SIDT1: variants seen among roughly 807,000 people sequenced by gnomAD.
SIDT1 encodes SID1 transmembrane family, member 1.
In SIDT1, 101 loss-of-function variants were observed where a neutral mutation model predicts 107.5. The observed-to-expected ratio is 0.94, with a 90% CI of 0.80 to 1.11. The LOEUF is 1.11. Ranked by LOEUF, SIDT1 falls within the 50% of genes least tolerant of loss-of-function variation. SIDT1 has a pLI of 0.00. For missense variants in SIDT1, 1,076 were observed against 1,058.2 expected (o/e 1.02, Z -0.23); for synonymous variants, 395 against 398.2 (o/e 0.99, Z 0.10).
chr3:113,576,912 C>G lies in SIDT1; in HGVS notation c.516-10C>G, dbSNP rs762555839. On this transcript the variant is annotated splice_polypyrimidine_tract_variant and intron_variant, in intron 3 of 24. Coordinates refer to ENST00000264852, the MANE Select transcript of SIDT1 (RefSeq NM_017699.3). ...TTTCCCCTTTCCCTTCTGCCACTTA[C>G]GTTTCTCAGGACAAATGTTGCCTTT... 1.2e-6 allele frequency: 2 copies of G among 1,613,884 alleles called. No homozygotes were observed. The highest frequency in any genetic ancestry group is 2.7e-5 in the African/African-American group (2 of 75,030).
chr3:113,546,537 T>G (rs1034233973), intron 1 of SIDT1, among the ~76,000 whole-genome samples: 1 of 152,192 alleles, frequency 6.6e-6, no homozygotes, highest in African/African-American at 2.4e-5. Context: ...AAGATTGCTA[T>G]CATGTTGAGT....
chr3:113,533,137 C>T lies in SIDT1; in HGVS notation c.116C>T (p.Pro39Leu). The T allele has an allele frequency of 6.4e-7, 1 of 1,573,398 alleles. No individual in the cohort carries two copies. Among genetic ancestry groups the T allele is most frequent in the South Asian group, 1.2e-5 (1 of 84,902 alleles). The change falls in exon 1 of 25, where the codon CCC becomes CTC. Residue 39 changes from proline to leucine, a missense_variant. Pro to Leu is a moderately conservative substitution (Grantham distance 98). Coordinates refer to ENST00000264852, the MANE Select transcript of SIDT1 (RefSeq NM_017699.3). ...CAGCCCCCGGCACCGCGCCGCGACC[C>T]CTTCGACGCTGCCAGGGGCGCCGAT... ...PRQPPAPRRD[P>L]FDAARGADFD...
chr3:113,564,326 T>C (rs1941712223), intron 1 of SIDT1, among the ~76,000 whole-genome samples: 1 of 152,238 alleles, frequency 6.6e-6, no homozygotes, highest in African/African-American at 2.4e-5. Flanking sequence ...TTAACAATTA[T>C]TAAAACTGGA....
intron 14 of SIDT1, 153 bp from the exon 15 acceptor site, chr3:113,606,888 G>A (rs1346388645): frequency 1.8e-6 from 1 of 559,080 alleles, no homozygotes; most frequent in Non-Finnish European, 3.3e-6. Context: ...GTGTAAGGTG[G>A]CAGATAATGG....
intron 14 of SIDT1, 97 bp downstream of exon 14, chr3:113,605,073 C>CT (rs1434952946): frequency 7.7e-7 from 1 of 1,290,328 alleles, no homozygotes; most frequent in Non-Finnish European, 1.1e-6. Context: ...ACTTAGGATC[C>CT]ATTCAGGAAT....
At chr3:113,584,026 C>A (rs1213222946) in intron 7 of SIDT1, among the ~76,000 whole-genome samples, 2 of 152,254 alleles carry the variant, frequency 1.3e-5, no homozygotes, top group East Asian at 3.9e-4. Flanking sequence ...GGCTCTTAGG[C>A]ATAGCACAAA....
At chr3:113,611,271 A>G (rs1442763088) in intron 18 of SIDT1, 127 bp downstream of exon 18, 4 of 1,096,144 alleles carry the variant, frequency 3.6e-6, no homozygotes, top group Non-Finnish European at 5.2e-6. Context: ...ATTTCATCTC[A>G]TGACACAATT....
chr3:113,555,021 T>C (rs908773448), intron 1 of SIDT1, among the ~76,000 whole-genome samples: 1 of 152,208 alleles, frequency 6.6e-6, no homozygotes, highest in Non-Finnish European at 1.5e-5. Flanking sequence ...GTCCTGAGAA[T>C]AAAGTCCCAA....
rs537278661 is a variant in SIDT1, at chr3:113,572,290, C to T, written c.515+4580C>T. ...AAGTGATGGATGTATACTAACATGA[C>T]ACTTAGGGGAGAGCTCTGAGTTACA... On this transcript the variant is annotated intron_variant, in intron 3 of 24. Transcript: ENST00000264852. Among the ~76,000 whole-genome samples, 7 of 152,276 alleles carry T rather than the reference C, an allele frequency of 4.6e-5. No individual in the cohort carries two copies. In the South Asian group the frequency reaches 1.5e-3, roughly 32 times the overall value.
At chr3:113,621,650 A>T (rs1946471956) in intron 21 of SIDT1, among the ~76,000 whole-genome samples, 1 of 152,248 alleles carries the variant, frequency 6.6e-6, no homozygotes, top group African/African-American at 2.4e-5. Context: ...GGAAAGATTA[A>T]CTACTGCAAA....
At position 113,619,682 on chromosome 3, in the gene SIDT1, T is replaced by C; in HGVS notation, c.2046T>C (p.Asp682=). 6.2e-7 allele frequency: 1 copy of C among 1,614,034 alleles called. No homozygotes were observed. Among genetic ancestry groups the C allele is most frequent in the Non-Finnish European group, 8.5e-7 (1 of 1,179,892 alleles). The change falls in exon 21 of 25, where the codon GAT becomes GAC. Residue 682 remains aspartate, a splice_region_variant and synonymous_variant. Transcript: ENST00000264852. The part of the protein sequence containing the change: ...IQQCSRPLYM[D]RMVLLVVGNL... ...ATGTTTTCTTTCCTCTTTTCCAGGATAGAATGGTGTTGCTGGTTGTGGGGA... is the reference window on the plus strand; with the variant it reads ...ATGTTTTCTTTCCTCTTTTCCAGGACAGAATGGTGTTGCTGGTTGTGGGGA...
chr3:113,589,422 C>T (rs969260649), intron 9 of SIDT1, among the ~76,000 whole-genome samples: 4 of 151,786 alleles, frequency 2.6e-5, no homozygotes, highest in African/African-American at 9.7e-5. Context: ...TCTATGAGTA[C>T]ATACAATTGC....
chr3:113,617,115 A>G (rs905158316), intron 20 of SIDT1, among the ~76,000 whole-genome samples: 1 of 152,232 alleles, frequency 6.6e-6, no homozygotes, highest in Non-Finnish European at 1.5e-5. Flanking sequence ...GTGAAAGGGC[A>G]CACTGCTAAT....
downstream of SIDT1, among the ~76,000 whole-genome samples, chr3:113,631,880 A>G (rs1028109339): frequency 2.6e-5 from 4 of 152,176 alleles, no homozygotes; most frequent in Non-Finnish European, 5.9e-5. Context: ...TTGCTCCCCC[A>G]ATTTTAGAGA....
Position 113,623,300 on chromosome 3 carries a change from C to T in SIDT1, c.2091-127C>T, listed in dbSNP as rs12492783. The T allele has an allele frequency of 6.6e-3, 2,683 of 405,446 alleles. 50 individuals are homozygous for T. Among genetic ancestry groups the T allele is most frequent in the East Asian group, 0.046 (1,076 of 23,226 alleles). The allele number at this position is 405,446 out of a possible 1,614,324, so 25.1% of individuals were successfully genotyped here. On this transcript the variant is annotated intron_variant, in intron 21 of 24. Coordinates refer to ENST00000264852, the MANE Select transcript of SIDT1 (RefSeq NM_017699.3). ...AGAGTTTAAAAAAAAATAAAATGAA[C>T]TAAAAATAAAAGTTAAAAAAAAAAA... is the stretch of plus-strand genomic sequence containing the variant.
At chr3:113,621,599 G>A (rs1376306963) in intron 21 of SIDT1, among the ~76,000 whole-genome samples, 1 of 152,140 alleles carries the variant, frequency 6.6e-6, no homozygotes, top group Non-Finnish European at 1.5e-5. Context: ...GAAGCCATAA[G>A]GAAAATTTAG....
At chr3:113,565,251 G>C (rs1003934487) in intron 1 of SIDT1, among the ~76,000 whole-genome samples, 2 of 152,086 alleles carry the variant, frequency 1.3e-5, no homozygotes, top group Non-Finnish European at 2.9e-5. Context: ...TTGAAAGAAG[G>C]CCAGGCGCAG....
At position 113,533,119 on chromosome 3, in the gene SIDT1, CG is replaced by C. The variant is rs776821470; in HGVS notation, c.100del (p.Ala34HisfsTer23). On this transcript the variant is annotated frameshift_variant, in exon 1 of 25. Coordinates refer to ENST00000264852, the MANE Select transcript of SIDT1 (RefSeq NM_017699.3). LOFTEE classifies it high-confidence loss of function. ...CCGGCGAAATCCCCCAGGCAGCCCC[CG>C]GCACCGCGCCGCGACCCCTTCGACG... ...GHPAKSPRQP[P>X]APRRDPFDAA... 9.0e-6 allele frequency: 14 copies of C among 1,554,546 alleles called. No homozygotes were observed. Among genetic ancestry groups the C allele is most frequent in the Non-Finnish European group, 1.0e-5 (12 of 1,152,574 alleles).
chr3:113,569,144 A>G (rs1181362815), intron 3 of SIDT1, among the ~76,000 whole-genome samples: 1 of 150,638 alleles, frequency 6.6e-6, no homozygotes, highest in African/African-American at 2.4e-5. Flanking sequence ...CTCTCAAAAA[A>G]AAAAAAAAAA....
Sources: gnomAD v4.1 joint callset for allele counts (sites outside exome capture counted in the v4.1 genomes callset) on GRCh38, gnomAD v4.1.1 for gene constraint, MANE v1.5 for transcripts, NCBI Gene and HGNC (gene_info 2026-07-23, HGNC 2026-07-21) for gene names.